Variants in DACH2 observed in about 807,000 individuals in gnomAD.
The protein encoded by DACH2 is dachshund homolog 2.
DACH2 carries 17 observed loss-of-function variants against 35.8 expected under a neutral mutation model. That is an observed-to-expected ratio of 0.48 (90% CI 0.33 to 0.71). The LOEUF is 0.71. Ranked by LOEUF, DACH2 falls within the 30% of genes least tolerant of loss-of-function variation. The pLI, the probability that DACH2 is intolerant of heterozygous loss-of-function variation, is 0.02. For missense variants in DACH2, 469 were observed against 472.7 expected, an observed-to-expected ratio of 0.99 and a Z score of 0.07; for synonymous variants, 195 against 177.3, an observed-to-expected ratio of 1.10 and a Z score of -0.79.
intron 11 of DACH2, chrX:86,830,354 T>C (rs2042600970): frequency 8.9e-6 from 1 of 111,851 alleles, no homozygotes; most frequent in African/African-American, 3.2e-5. Flanking sequence ...TTCGCTACTG[T>C]CCTCAAAATT....
intron 1 of DACH2, among the ~76,000 whole-genome samples, chrX:86,174,442 C>T (rs1007240315): frequency 1.8e-5 from 2 of 110,340 alleles, no homozygotes; most frequent in Non-Finnish European, 3.8e-5. Context: ...TTAAAAATCT[C>T]CCTATGTAGA....
At chrX:86,443,112 T>C (rs904765310) in intron 2 of DACH2, among the ~76,000 whole-genome samples, 5 of 111,865 alleles carry the variant, frequency 4.5e-5, no homozygotes, top group Non-Finnish European at 9.4e-5. Flanking sequence ...CCATAAGAAA[T>C]GTCATTGATA....
chrX:86,604,378 T>C (rs1014304747), intron 3 of DACH2, among the ~76,000 whole-genome samples: 4 of 111,742 alleles, frequency 3.6e-5, no homozygotes, highest in African/African-American at 1.3e-4. Context: ...CCTTCATGTA[T>C]AATGTAAGAA....
intron 1 of DACH2, among the ~76,000 whole-genome samples, chrX:86,212,205 G>C (rs1258828793): frequency 9.0e-6 from 1 of 111,603 alleles, no homozygotes; most frequent in Admixed American, 9.5e-5. Flanking sequence ...TGCAGTTTTT[G>C]TGAGGATTGC....
At chrX:86,384,187 T>A (rs769452078) in intron 2 of DACH2, among the ~76,000 whole-genome samples, 18 of 110,879 alleles carry the variant, frequency 1.6e-4, no homozygotes, top group African/African-American at 5.9e-4. Context: ...ACTAAATGAC[T>A]GAGACAGGAT....
intron 2 of DACH2, among the ~76,000 whole-genome samples, chrX:86,442,440 G>T (rs1362832237): frequency 6.1e-5 from 6 of 98,777 alleles, no homozygotes; most frequent in Non-Finnish European, 1.2e-4. Context: ...TACGCAATCT[G>T]GATATTAACC....
intron 2 of DACH2, among the ~76,000 whole-genome samples, chrX:86,397,159 A>T (rs1211700157): frequency 9.0e-6 from 1 of 110,498 alleles, no homozygotes; most frequent in Non-Finnish European, 1.9e-5. Context: ...GCAATTGTGA[A>T]TGGGAGTTCA....
chrX:86,798,122 T>C (rs755457219), intron 7 of DACH2, among the ~76,000 whole-genome samples: 1 of 112,110 alleles, frequency 8.9e-6, no homozygotes, highest in Non-Finnish European at 1.9e-5. Flanking sequence ...ATCTCAGAAG[T>C]TGGGGAGAAA....
At chrX:86,307,095 A>T (rs2034704044) in intron 1 of DACH2, among the ~76,000 whole-genome samples, 1 of 111,843 alleles carries the variant, frequency 8.9e-6, no homozygotes, top group African/African-American at 3.2e-5. Flanking sequence ...ACATAATATC[A>T]TTGGCCATAT....
Position 86,176,467 on chromosome X carries a change from A to G in DACH2, c.488+27359A>G, listed in dbSNP as rs756846647. Among the ~76,000 whole-genome samples the G allele has an allele frequency of 7.2e-5, 8 of 111,279 alleles. No homozygotes were observed. In the South Asian group the frequency reaches 3.0e-3, roughly 42 times the overall value. Reference sequence around the variant, plus strand: ...AAACTGAAAGGCTAGAGTGTTGGTAATATCCTCCACGTGTGCATTGTTTAT... The same window carrying G: ...AAACTGAAAGGCTAGAGTGTTGGTAGTATCCTCCACGTGTGCATTGTTTAT... On this transcript the variant is annotated intron_variant, in intron 1 of 11. Coordinates refer to ENST00000373125, the MANE Select transcript of DACH2 (RefSeq NM_053281.3).
intron 1 of DACH2, among the ~76,000 whole-genome samples, chrX:86,305,283 C>T (rs894419047): frequency 1.8e-5 from 2 of 111,736 alleles, no homozygotes; most frequent in African/African-American, 6.5e-5. Flanking sequence ...AGCTCCTTAG[C>T]GGTCAGCCAG....
chrX:86,319,780 T>A (rs903205592), intron 1 of DACH2, among the ~76,000 whole-genome samples: 2 of 112,559 alleles, frequency 1.8e-5, no homozygotes, highest in East Asian at 5.5e-4. Flanking sequence ...AAATATTTGA[T>A]TTAAGTGCTT....
chrX:86,640,310 C>T (rs772110972), intron 3 of DACH2, among the ~76,000 whole-genome samples: 8 of 111,128 alleles, frequency 7.2e-5, no homozygotes, highest in South Asian at 3.8e-4. Flanking sequence ...CACCCCCAGA[C>T]TAATGAAGAA....
intron 7 of DACH2, among the ~76,000 whole-genome samples, chrX:86,771,896 C>T (rs1408496728): frequency 9.0e-6 from 1 of 111,724 alleles, no homozygotes; most frequent in Admixed American, 9.5e-5. Context: ...AAAGCCTCAT[C>T]ATTCCAGTGT....
At chrX:86,510,857 T>A (rs2038386703) in intron 2 of DACH2, among the ~76,000 whole-genome samples, 1 of 111,937 alleles carries the variant, frequency 8.9e-6, no homozygotes, top group Non-Finnish European at 1.9e-5. Flanking sequence ...AATAACCTTG[T>A]AATTAAACTG....
At chrX:86,636,245 G>C (rs1023004872) in intron 3 of DACH2, among the ~76,000 whole-genome samples, 1 of 110,695 alleles carries the variant, frequency 9.0e-6, no homozygotes. Context: ...TCAGGAGTTC[G>C]AGACCAGCCC....
intron 1 of DACH2, among the ~76,000 whole-genome samples, chrX:86,288,640 C>A (rs1487726689): frequency 1.8e-5 from 2 of 112,019 alleles, no homozygotes; most frequent in Non-Finnish European, 3.8e-5. Flanking sequence ...TTCTTAAATG[C>A]AGAGGAGCCT....
At chrX:86,563,669 C>T (rs1245478826) in intron 3 of DACH2, among the ~76,000 whole-genome samples, 2 of 110,156 alleles carry the variant, frequency 1.8e-5, no homozygotes, top group Non-Finnish European at 3.8e-5. Flanking sequence ...TAAGCAGTCT[C>T]ATGTTTTGTC....
intron 1 of DACH2, among the ~76,000 whole-genome samples, chrX:86,315,909 G>C (rs928376556): frequency 9.1e-6 from 1 of 109,826 alleles, no homozygotes; most frequent in Admixed American, 9.8e-5. Flanking sequence ...CTGTCATAGA[G>C]AGGGGTCTGA....
Sources: allele counts gnomAD v4.1 joint callset (sites outside exome capture counted in the v4.1 genomes callset), GRCh38; gene constraint gnomAD v4.1.1; transcripts MANE v1.5; gene names NCBI Gene and HGNC (gene_info 2026-07-23, HGNC 2026-07-21).